The following AMPD3 variants were observed in gnomAD, a reference collection of about 807,000 sequenced individuals.
The protein encoded by AMPD3 is adenosine monophosphate deaminase 3, also known as AMP deaminase 3.
Under a neutral mutation model 82.3 loss-of-function variants are expected in AMPD3, and 57 were observed. That is an observed-to-expected ratio of 0.69 (90% CI 0.56 to 0.86). AMPD3 has a LOEUF of 0.86. Ranked by LOEUF, AMPD3 falls within the 40% of genes least tolerant of loss-of-function variation. The pLI, the probability that AMPD3 is intolerant of heterozygous loss-of-function variation, is 0.00. For missense variants in AMPD3, 870 were observed against 1,003.8 expected, an observed-to-expected ratio of 0.87 and a Z score of 1.80; for synonymous variants, 381 against 394.7, an observed-to-expected ratio of 0.97 and a Z score of 0.41.
At chr11:10,458,949 G>T (rs1300786012) in intron 1 of AMPD3, among the ~76,000 whole-genome samples, 1 of 152,132 alleles carries the variant, frequency 6.6e-6, no homozygotes, top group Non-Finnish European at 1.5e-5. Context: ...AATAAGGGGG[G>T]AGGTGAGGAT....
At chr11:10,466,488 T>C (rs1467328059) in intron 2 of AMPD3, among the ~76,000 whole-genome samples, 1 of 152,156 alleles carries the variant, frequency 6.6e-6, no homozygotes, top group Non-Finnish European at 1.5e-5. Flanking sequence ...ACTGCCTCTC[T>C]AGATTTCTTC....
Position 10,493,356 on chromosome 11 carries a change from C to T in AMPD3, c.947C>T (p.Thr316Ile). 6.2e-7 allele frequency: 1 copy of T among 1,614,148 alleles called. No homozygotes were observed. Among genetic ancestry groups the T allele is most frequent in the Non-Finnish European group, 8.5e-7 (1 of 1,180,042 alleles). Residue 316 changes from threonine (T) to isoleucine (I), a missense_variant, in exon 7 of 15, where the codon ACA becomes ATA. Coordinates refer to ENST00000396553, the MANE Select transcript of AMPD3 (RefSeq NM_001025389.2). The part of the protein sequence containing the change: ...RDFYNVRKVD[T>I]HIHAAACMNQ... ...GTGGGCGCTGTGTTCCAGGTGGACA[C>T]ACACATCCATGCGGCCGCCTGCATG...
chr11:10,504,097 T>G, intron 13 of AMPD3: 2 of 922,218 alleles, frequency 2.2e-6, no homozygotes, highest in Non-Finnish European at 1.3e-6. Flanking sequence ...GTTCCATCTC[T>G]GCTTTTAGTA....
At chr11:10,502,989 G>C in intron 13 of AMPD3, 95 bp downstream of exon 13, 6 of 1,444,068 alleles carry the variant, frequency 4.2e-6, no homozygotes, top group Non-Finnish European at 5.8e-6. Flanking sequence ...GCTTAGTTCT[G>C]CTTTTGGGGT....
intron 11 of AMPD3, chr11:10,500,839 G>A: frequency 1.0e-6 from 1 of 985,426 alleles, no homozygotes. Context: ...GCTGCCCAGG[G>A]CAGCAGGACA....
At chr11:10,494,169 G>A (rs2133920922) in intron 7 of AMPD3, among the ~76,000 whole-genome samples, 1 of 152,304 alleles carries the variant, frequency 6.6e-6, no homozygotes, top group Middle Eastern at 3.4e-3. Flanking sequence ...GTCAAGTACT[G>A]TACATGCAAC....
At chr11:10,501,350 T>G in intron 11 of AMPD3, 120 bp from the exon 12 acceptor site, 2 of 1,498,398 alleles carry the variant, frequency 1.3e-6, no homozygotes, top group East Asian at 2.4e-5. Flanking sequence ...GTGCACTGGG[T>G]CAGCACAGCT....
At chr11:10,481,875 A>G in intron 3 of AMPD3, 188 bp from the exon 4 acceptor site, 2 of 704,014 alleles carry the variant, frequency 2.8e-6, no homozygotes, top group Non-Finnish European at 5.0e-6. Flanking sequence ...TCCAACATAA[A>G]CCATATTGTT....
upstream of AMPD3, chr11:10,451,155 G>C: frequency 6.7e-7 from 1 of 1,501,130 alleles, no homozygotes; most frequent in Non-Finnish European, 8.9e-7. Flanking sequence ...CGCCTTCCCT[G>C]CTCGCAGAGG....
intron 9 of AMPD3, chr11:10,496,466 G>A: frequency 2.0e-6 from 2 of 985,386 alleles, no homozygotes; most frequent in Non-Finnish European, 2.4e-6. Flanking sequence ...TGTGGTTTAG[G>A]GAAACAGAGC....
intron 2 of AMPD3, among the ~76,000 whole-genome samples, chr11:10,476,124 G>A (rs1463550007): frequency 6.6e-6 from 1 of 152,084 alleles, no homozygotes; most frequent in East Asian, 1.9e-4. Context: ...GTCATCCTTG[G>A]GCTCCATATA....
At chr11:10,477,305 C>T (rs1457308614) in intron 2 of AMPD3, among the ~76,000 whole-genome samples, 2 of 152,156 alleles carry the variant, frequency 1.3e-5, no homozygotes, top group African/African-American at 4.8e-5. Context: ...ACTCAGGAAG[C>T]TACTGGGCCC....
At chr11:10,475,723 G>A (rs761818841) in intron 2 of AMPD3, among the ~76,000 whole-genome samples, 11 of 152,138 alleles carry the variant, frequency 7.2e-5, no homozygotes, top group Non-Finnish European at 1.5e-4. Context: ...GGAGGGGAGG[G>A]CAGAGAGATT....
At position 10,496,791 on chromosome 11, in the gene AMPD3, C is replaced by T. The variant is rs141505983; in HGVS notation, c.1431-21C>T. On this transcript the variant is annotated intron_variant, in intron 9 of 14. Coordinates refer to ENST00000396553, the MANE Select transcript of AMPD3 (RefSeq NM_001025389.2). Reference sequence around the variant, plus strand: ...CAGGCTGTTGGATCCACCTGACAAGCGAGTCTTTGCTGTCCCCCAGTGACA... The same window carrying T: ...CAGGCTGTTGGATCCACCTGACAAGTGAGTCTTTGCTGTCCCCCAGTGACA... The T allele has an allele frequency of 5.0e-4, 799 of 1,614,060 alleles. 2 individuals carry two copies. The African/African-American group carries it at 5.7e-3, about 11-fold the overall frequency.
intron 1 of AMPD3, among the ~76,000 whole-genome samples, chr11:10,460,553 C>T (rs372453394): frequency 6.6e-6 from 1 of 151,178 alleles, no homozygotes; most frequent in African/African-American, 2.4e-5. Context: ...ATTACAGGTG[C>T]CTGCCACCAC....
At position 10,469,551 on chromosome 11, in the gene AMPD3, A is replaced by G. The variant is rs556550536; in HGVS notation, c.221+7811A>G. Among the ~76,000 whole-genome samples, 26 of 152,336 alleles carry G rather than the reference A, an allele frequency of 1.7e-4. 1 individual carries two copies. The South Asian group carries it at 5.2e-3, about 30-fold the overall frequency. ...CCCAGAACCAGACAGATTCACAGCC[A>G]AATTCTACCAGAGGTACAAAGAGGA... On this transcript the variant is annotated intron_variant, in intron 2 of 14. Coordinates refer to ENST00000396553, the MANE Select transcript of AMPD3 (RefSeq NM_001025389.2).
At chr11:10,474,566 C>T (rs2133866220) in intron 2 of AMPD3, among the ~76,000 whole-genome samples, 1 of 152,302 alleles carries the variant, frequency 6.6e-6, no homozygotes, top group South Asian at 2.1e-4. Context: ...GGCCATAGAG[C>T]AGGTGGAGCA....
At chr11:10,478,336 G>T in intron 2 of AMPD3, 190 bp from the exon 3 acceptor site, 2 of 985,372 alleles carry the variant, frequency 2.0e-6, no homozygotes, top group Non-Finnish European at 1.2e-6. Flanking sequence ...GTGTCTGGAG[G>T]GCCGTGTTCT....
At chr11:10,461,425 G>A in intron 1 of AMPD3, 90 bp from the exon 2 acceptor site, 1 of 1,607,022 alleles carries the variant, frequency 6.2e-7, no homozygotes, top group South Asian at 1.1e-5. Context: ...CAAGTACCAG[G>A]TGGGCCTGGC....
Sources: allele counts gnomAD v4.1 joint callset (sites outside exome capture counted in the v4.1 genomes callset), GRCh38; gene constraint gnomAD v4.1.1; transcripts MANE v1.5; gene names NCBI Gene and HGNC (gene_info 2026-07-23, HGNC 2026-07-21).